Variants in CEP85L observed in about 807,000 individuals in gnomAD.
The protein encoded by CEP85L is centrosomal protein 85L.
CEP85L carries 60 observed loss-of-function variants against 100.3 expected under a neutral mutation model. That is an observed-to-expected ratio of 0.60 (90% CI 0.49 to 0.74). CEP85L has a LOEUF of 0.74. Ranked by LOEUF, CEP85L falls within the 30% of genes least tolerant of loss-of-function variation. The pLI is 0.00. For missense variants in CEP85L, 973 were observed against 936.2 expected (o/e 1.04, Z -0.51); for synonymous variants, 319 against 322.7 (o/e 0.99, Z 0.12).
intron 1 of CEP85L, among the ~76,000 whole-genome samples, chr6:118,704,732 C>T (rs369898457): frequency 6.6e-6 from 1 of 152,030 alleles, no homozygotes; most frequent in East Asian, 1.9e-4. Context: ...CGGCCTCCCA[C>T]AGTGCTGGGA....
Position 118,565,965 on chromosome 6 carries a change from T to G in CEP85L, c.584A>C (p.Gln195Pro), listed in dbSNP as rs891819877. The G allele has an allele frequency of 6.2e-7, 1 of 1,614,218 alleles. No individual in the cohort carries two copies. The highest frequency in any genetic ancestry group is 1.7e-5 in the Admixed American group (1 of 60,020). ...KIGKAKALTS[Q>P]LRTIGPSCLH... is the part of the protein sequence containing the mutation. ...ACAGCTAGGCCCAATTGTCCTCAGT[T>G]GTGATGTTAAAGCCTTAGCCTTCCC... is the stretch of plus-strand genomic sequence containing the variant. The change falls in exon 3 of 13, where the codon CAA becomes CCA. Residue 195 changes from glutamine to proline, a missense_variant. By Grantham distance (76) the Gln-to-Pro change is moderately conservative. Around this residue, in one of 3 missense-constraint regions of CEP85L, gnomAD observed 890 missense variants for 844.5 expected, o/e 1.05. Transcript: ENST00000368491.
chr6:118,511,420 A>C lies in CEP85L; in HGVS notation c.1140-5T>G. ...TGGGTAATTTGTTGCTTCTGCCTGC[A>C]AAACATAAATTAAGGTCACATTATG... On this transcript the variant is annotated splice_polypyrimidine_tract_variant and splice_region_variant and intron_variant, in intron 4 of 12. Transcript: ENST00000368491. The C allele has an allele frequency of 6.4e-7, 1 of 1,572,300 alleles. No homozygotes were observed. Among genetic ancestry groups the C allele is most frequent in the Non-Finnish European group, 8.8e-7 (1 of 1,142,814 alleles).
chr6:118,563,985 T>G (rs1779362315), intron 3 of CEP85L, among the ~76,000 whole-genome samples: 1 of 152,148 alleles, frequency 6.6e-6, no homozygotes, highest in Non-Finnish European at 1.5e-5. Flanking sequence ...AAAGAGACCA[T>G]CCCAAATAAA....
intron 6 of CEP85L, among the ~76,000 whole-genome samples, chr6:118,489,340 A>AT (rs1242875961): frequency 2.6e-5 from 4 of 152,126 alleles, no homozygotes; most frequent in Non-Finnish European, 5.9e-5. Flanking sequence ...ATTATAGTTG[A>AT]TTACCTACCC....
intron 3 of CEP85L, chr6:118,537,987 G>A (rs1777691930): frequency 2.6e-6 from 2 of 775,068 alleles, no homozygotes; most frequent in African/African-American, 3.8e-5. Context: ...TAATGAAGAT[G>A]AAAATAATAC....
intron 2 of CEP85L, among the ~76,000 whole-genome samples, chr6:118,621,127 G>A (rs1489388974): frequency 1.3e-5 from 2 of 152,124 alleles, no homozygotes; most frequent in African/African-American, 4.8e-5. Context: ...AGCTCATAAA[G>A]GACCAGAGGA....
chr6:118,526,480 T>A (rs1776970645), intron 3 of CEP85L, among the ~76,000 whole-genome samples: 1 of 152,162 alleles, frequency 6.6e-6, no homozygotes, highest in Non-Finnish European at 1.5e-5. Flanking sequence ...ACCTACAATC[T>A]TATTTATACT....
chr6:118,671,046 G>C (rs565983520), intron 1 of CEP85L, among the ~76,000 whole-genome samples: 10 of 152,150 alleles, frequency 6.6e-5, no homozygotes, highest in African/African-American at 2.4e-4. Context: ...GGTGGTCACT[G>C]TAACTTACAG....
chr6:118,698,789 A>AGGAAT (rs1380496149), intron 1 of CEP85L, among the ~76,000 whole-genome samples: 1 of 151,442 alleles, frequency 6.6e-6, no homozygotes, highest in East Asian at 1.9e-4. Flanking sequence ...TGATTTCCCC[A>AGGAAT]GGAATGTAGT....
At chr6:118,468,234 C>T (rs1041489574) in intron 12 of CEP85L, among the ~76,000 whole-genome samples, 1 of 152,072 alleles carries the variant, frequency 6.6e-6, no homozygotes, top group Admixed American at 6.6e-5. Flanking sequence ...TATTATGATG[C>T]AAAATGGTGG....
At chr6:118,478,727 T>C (rs910762822) in intron 10 of CEP85L, among the ~76,000 whole-genome samples, 1 of 152,180 alleles carries the variant, frequency 6.6e-6, no homozygotes, top group African/African-American at 2.4e-5. Context: ...GGCCCATAAT[T>C]GCATATTCTT....
At chr6:118,632,378 C>T in intron 2 of CEP85L, 75 bp downstream of exon 2, 4 of 1,113,516 alleles carry the variant, frequency 3.6e-6, no homozygotes, top group Non-Finnish European at 5.1e-6. Context: ...AACAATAAAA[C>T]ATATCCCCTG....
At chr6:118,663,645 G>T (rs375307085) in intron 1 of CEP85L, among the ~76,000 whole-genome samples, 8 of 152,244 alleles carry the variant, frequency 5.3e-5, no homozygotes, top group African/African-American at 1.9e-4. Flanking sequence ...TTTTGATATA[G>T]ATTTGACATA....
At chr6:118,565,315 G>A (rs1779436603) in intron 3 of CEP85L, 3 of 574,532 alleles carry the variant, frequency 5.2e-6, no homozygotes, top group Non-Finnish European at 6.1e-6. Flanking sequence ...AACAAGCTAG[G>A]TACAAGGTTT....
intron 2 of CEP85L, among the ~76,000 whole-genome samples, chr6:118,605,293 A>G (rs1772112728): frequency 6.6e-6 from 1 of 152,146 alleles, no homozygotes; most frequent in African/African-American, 2.4e-5. Context: ...CAATCAGCCC[A>G]TTTCGTCATC....
chr6:118,493,111 T>C (rs983993769), intron 5 of CEP85L, among the ~76,000 whole-genome samples: 11 of 152,212 alleles, frequency 7.2e-5, no homozygotes, highest in Admixed American at 5.9e-4. Flanking sequence ...CATGAAGACA[T>C]TGAGCGAATG....
intron 2 of CEP85L, among the ~76,000 whole-genome samples, chr6:118,573,305 G>A (rs9320656): frequency 0.16 from 24,952 of 152,102 alleles, 2,175 homozygotes; most frequent in Non-Finnish European, 0.19. Context: ...GTAAATAACT[G>A]ACATCCAAAA....
chr6:118,519,454 GTGTGTGTGTGTGTGTGT>G (rs1189163584), intron 4 of CEP85L, among the ~76,000 whole-genome samples: 1 of 65,628 alleles, frequency 1.5e-5, no homozygotes, highest in African/African-American at 6.1e-5. Context: ...GTGTGTGTGT[GTGTGTGTGTGTGTGTGT>G]GTGGCGGGGG....
chr6:118,580,292 G>T (rs1176121680), intron 2 of CEP85L, among the ~76,000 whole-genome samples: 1 of 152,134 alleles, frequency 6.6e-6, no homozygotes, highest in Non-Finnish European at 1.5e-5. Context: ...GTGAGAAAAG[G>T]ACCCTGGTAT....
Sources: gnomAD v4.1 joint callset for allele counts (sites outside exome capture counted in the v4.1 genomes callset) on GRCh38, gnomAD v4.1.1 for gene constraint, gnomAD v4.1.1 regional missense constraint, MANE v1.5 for transcripts, NCBI Gene and HGNC (gene_info 2026-07-23, HGNC 2026-07-21) for gene names.